Variants in ACTN1 observed in about 807,000 individuals in gnomAD.
ACTN1 encodes the protein alpha-actinin-1.
In ACTN1, 30 loss-of-function variants were observed where a neutral mutation model predicts 119.6. That is an observed-to-expected ratio of 0.25 (90% confidence interval 0.19 to 0.34). The LOEUF (loss-of-function observed/expected upper bound fraction) is 0.34. Ranked by LOEUF, ACTN1 falls within the 10% of genes least tolerant of loss-of-function variation. The pLI, the probability that ACTN1 is intolerant of heterozygous loss-of-function variation, is 1.00. For missense variants in ACTN1, 764 were observed against 1,223.4 expected, an observed-to-expected ratio of 0.62 and a Z score of 5.60; for synonymous variants, 429 against 472.6, an observed-to-expected ratio of 0.91 and a Z score of 1.20.
chr14:68,892,334 G>A (rs1353061124), intron 9 of ACTN1, 51 bp from the exon 10 acceptor site: 1 of 1,556,764 alleles, frequency 6.4e-7, no homozygotes, highest in East Asian at 2.2e-5. Context: ...GGGAGGGAGT[G>A]TGCTAGGGCC....
rs552903978 is a variant in ACTN1, at chr14:68,922,625, G to A, written c.221-1500C>T. ...AGCTGTGCACACTGGCTGGAAGGGG[G>A]CTTCTGCAAAGGACAGTGGAGGAGG... On this transcript the variant is annotated intron_variant, in intron 2 of 21. Coordinates refer to ENST00000394419, the MANE Select transcript of ACTN1 (RefSeq NM_001130004.2). 1.3e-4 allele frequency among the ~76,000 whole-genome samples: 20 copies of A among 152,272 alleles called. No homozygotes were observed. The South Asian group carries it at 3.3e-3, about 25-fold the overall frequency.
chr14:68,877,194 C>CCCT lies in ACTN1; in HGVS notation c.2473_2474insAGG (p.Arg825delinsGlnGly). Reference sequence around the variant, plus strand: ...GGCCTGGAATGTCACTACCCCCAGGCGGTTGGGGTCCACAATGCTCATGAT... The same window carrying CCCT: ...GGCCTGGAATGTCACTACCCCCAGGCCCTGGTTGGGGTCCACAATGCTCATGAT... On this transcript the variant is annotated protein_altering_variant, in exon 21 of 22. Coordinates refer to ENST00000394419, the MANE Select transcript of ACTN1 (RefSeq NM_001130004.2). The CCCT allele has an allele frequency of 6.2e-7, 1 of 1,614,160 alleles. No homozygotes were observed. The highest frequency in any genetic ancestry group is 8.5e-7 in the Non-Finnish European group (1 of 1,180,034).
chr14:68,922,105 C>T (rs955482414), intron 2 of ACTN1, among the ~76,000 whole-genome samples: 11 of 152,180 alleles, frequency 7.2e-5, no homozygotes, highest in African/African-American at 2.7e-4. Flanking sequence ...GCCAAGGACC[C>T]CAAAAGGCTG....
intron 1 of ACTN1, among the ~76,000 whole-genome samples, chr14:68,932,794 T>C (rs1277365716): frequency 2.6e-5 from 4 of 152,092 alleles, no homozygotes; most frequent in Admixed American, 1.3e-4. Flanking sequence ...GAAGCTGCTG[T>C]ATGCATCATA....
chr14:68,972,687 G>A (rs898932799), intron 1 of ACTN1, among the ~76,000 whole-genome samples: 2 of 152,162 alleles, frequency 1.3e-5, no homozygotes, highest in African/African-American at 2.4e-5. Flanking sequence ...TTGTATAAGC[G>A]GCAGAGCAAA....
chr14:68,887,514 G>A (rs2032118145), intron 11 of ACTN1: 7 of 1,226,100 alleles, frequency 5.7e-6, no homozygotes, highest in African/African-American at 1.5e-5. Context: ...GGAATGTTAA[G>A]CTGACACCCG....
At chr14:68,971,642 G>T (rs1473727609) in intron 1 of ACTN1, among the ~76,000 whole-genome samples, 1 of 152,150 alleles carries the variant, frequency 6.6e-6, no homozygotes, top group Non-Finnish European at 1.5e-5. Context: ...TGTTGTCAAC[G>T]TTAAATGAAG....
intron 3 of ACTN1, among the ~76,000 whole-genome samples, chr14:68,915,073 G>A (rs984852433): frequency 1.3e-5 from 2 of 152,094 alleles, no homozygotes; most frequent in Non-Finnish European, 2.9e-5. Context: ...ATCACACCCC[G>A]TACTTAGAAA....
chr14:68,961,412 C>A (rs1188849477), intron 1 of ACTN1, among the ~76,000 whole-genome samples: 1 of 152,166 alleles, frequency 6.6e-6, no homozygotes, highest in African/African-American at 2.4e-5. Flanking sequence ...CTAAGATGGT[C>A]ATTTTTCTCC....
intron 1 of ACTN1, among the ~76,000 whole-genome samples, chr14:68,970,874 T>C (rs1229643329): frequency 6.6e-6 from 1 of 152,182 alleles, no homozygotes; most frequent in Non-Finnish European, 1.5e-5. Context: ...CAACTCTACT[T>C]CCAGGCTACG....
intron 1 of ACTN1, among the ~76,000 whole-genome samples, chr14:68,947,951 A>T (rs1257198536): frequency 6.6e-6 from 1 of 152,196 alleles, no homozygotes; most frequent in Non-Finnish European, 1.5e-5. Context: ...CTCATCACAC[A>T]CGCACATAAT....
chr14:68,884,903 G>C lies in ACTN1; in HGVS notation c.1386-20C>G, dbSNP rs2031863400. 1 of 1,579,214 alleles carries C rather than the reference G, an allele frequency of 6.3e-7. No homozygotes were observed. The highest frequency in any genetic ancestry group is 1.1e-5 in the South Asian group (1 of 90,322). ...AGCTCACTGGGGAGGGAAGAGACAA[G>C]GAAGTCAGGGGACCCAGGTTAATTT... is the stretch of plus-strand genomic sequence containing the variant. On this transcript the variant is annotated intron_variant, in intron 12 of 21. Transcript: ENST00000394419.
At chr14:68,934,806 G>GA in intron 1 of ACTN1, among the ~76,000 whole-genome samples, 1 of 152,084 alleles carries the variant, frequency 6.6e-6, no homozygotes, top group South Asian at 2.1e-4. Flanking sequence ...ATGTTACTAT[G>GA]AAAAAAACTG....
chr14:68,895,032 CA>C (rs1216114509), intron 8 of ACTN1, among the ~76,000 whole-genome samples: 1 of 142,122 alleles, frequency 7.0e-6, no homozygotes, highest in African/African-American at 2.7e-5. Context: ...GTGTGTGGGG[CA>C]GGGGGTAAGG....
chr14:68,926,207 A>G (rs1032920814), intron 1 of ACTN1, among the ~76,000 whole-genome samples: 2 of 152,182 alleles, frequency 1.3e-5, no homozygotes, highest in African/African-American at 4.8e-5. Context: ...GACAAGGGAG[A>G]AGAGTAAGCA....
At chr14:68,889,826 G>A (rs970658814) in intron 11 of ACTN1, among the ~76,000 whole-genome samples, 2 of 151,864 alleles carry the variant, frequency 1.3e-5, no homozygotes, top group Non-Finnish European at 2.9e-5. Context: ...GTGAACACTC[G>A]GGGTAGAGGA....
At chr14:68,896,482 C>T (rs2032891998) in intron 8 of ACTN1, among the ~76,000 whole-genome samples, 1 of 152,168 alleles carries the variant, frequency 6.6e-6, no homozygotes, top group Non-Finnish European at 1.5e-5. Context: ...TCCCCATCAC[C>T]GCAAACTCCT....
At chr14:68,946,847 T>G (rs1486798255) in intron 1 of ACTN1, among the ~76,000 whole-genome samples, 2 of 152,200 alleles carry the variant, frequency 1.3e-5, no homozygotes, top group African/African-American at 4.8e-5. Context: ...ACCTTTTCCA[T>G]GCTTTAGTGG....
chr14:68,930,881 C>T (rs1391466788), intron 1 of ACTN1, among the ~76,000 whole-genome samples: 1 of 152,200 alleles, frequency 6.6e-6, no homozygotes, highest in Non-Finnish European at 1.5e-5. Context: ...TAAGTTTATG[C>T]TGTTAACACA....
Sources: allele counts gnomAD v4.1 joint callset (sites outside exome capture counted in the v4.1 genomes callset), GRCh38; gene constraint gnomAD v4.1.1; transcripts MANE v1.5; gene names NCBI Gene and HGNC (gene_info 2026-07-23, HGNC 2026-07-21).